CNTNAP2: variants seen among roughly 807,000 people sequenced by gnomAD.
CNTNAP2 encodes contactin-associated protein-like 2.
In CNTNAP2, 98 loss-of-function variants were observed where a neutral mutation model predicts 155.2. The observed-to-expected ratio is 0.63, with a 90% CI of 0.54 to 0.75. The LOEUF is 0.75. Among genes scored for constraint, CNTNAP2 ranks in the 30% least tolerant of loss-of-function variants. CNTNAP2 has a pLI of 0.00. For synonymous variants in CNTNAP2, 651 were observed against 631.2 expected (o/e 1.03, Z -0.47); for missense variants, 1,727 against 1,688.1 (o/e 1.02, Z -0.40).
intron 15 of CNTNAP2, among the ~76,000 whole-genome samples, chr7:148,105,284 G>A (rs1244137850): frequency 6.6e-6 from 1 of 152,162 alleles, no homozygotes; most frequent in Non-Finnish European, 1.5e-5. Flanking sequence ...TGTGGTATAT[G>A]AACTGAGAGA....
intron 13 of CNTNAP2, among the ~76,000 whole-genome samples, chr7:147,889,403 A>G (rs1799649631): frequency 6.6e-6 from 1 of 152,122 alleles, no homozygotes; most frequent in Non-Finnish European, 1.5e-5. Context: ...CATTAAGGAC[A>G]CCACAAAGTC....
chr7:148,225,612 C>A (rs1014947003), intron 19 of CNTNAP2, among the ~76,000 whole-genome samples: 1 of 152,146 alleles, frequency 6.6e-6, no homozygotes, highest in Admixed American at 6.5e-5. Context: ...TCACTCTGAC[C>A]ACCGTGTGGT....
intron 16 of CNTNAP2, among the ~76,000 whole-genome samples, chr7:148,138,646 G>A (rs1805003753): frequency 6.6e-6 from 1 of 152,164 alleles, no homozygotes; most frequent in Non-Finnish European, 1.5e-5. Context: ...GAGTTTCAGA[G>A]TTTCTCTAAA....
intron 2 of CNTNAP2, among the ~76,000 whole-genome samples, chr7:146,817,638 C>T (rs139293337): frequency 4.9e-4 from 75 of 152,208 alleles, no homozygotes; most frequent in Admixed American, 3.8e-3. Context: ...GGAGCTGACA[C>T]GTCTTATTTG....
chr7:147,287,004 A>C (rs1338560579), intron 8 of CNTNAP2, among the ~76,000 whole-genome samples: 1 of 152,124 alleles, frequency 6.6e-6, no homozygotes, highest in Admixed American at 6.6e-5. Context: ...AGAAAAAAAA[A>C]TATTCAGTGA....
chr7:147,746,219 T>C (rs150915274), intron 13 of CNTNAP2, among the ~76,000 whole-genome samples: 1 of 152,312 alleles, frequency 6.6e-6, no homozygotes, highest in Non-Finnish European at 1.5e-5. Flanking sequence ...GATCTGAAAT[T>C]GTTAGAAAAA....
chr7:146,964,893 T>TGGCCGGATTTGGTCTGGG (rs1563023321), intron 3 of CNTNAP2, among the ~76,000 whole-genome samples: 1 of 151,806 alleles, frequency 6.6e-6, no homozygotes, highest in Non-Finnish European at 1.5e-5. Flanking sequence ...AACAGGTGAC[T>TGGCCGGATTTGGTCTGGG]GGCCAGAGTT....
chr7:146,473,441 A>G (rs1467911139), intron 1 of CNTNAP2, among the ~76,000 whole-genome samples: 1 of 151,650 alleles, frequency 6.6e-6, no homozygotes, highest in Non-Finnish European at 1.5e-5. Flanking sequence ...CCTTTCTACT[A>G]TAAAAACTTC....
intron 8 of CNTNAP2, among the ~76,000 whole-genome samples, chr7:147,242,862 G>A (rs1280033487): frequency 1.3e-5 from 2 of 151,732 alleles, no homozygotes; most frequent in African/African-American, 4.8e-5. Context: ...AATCACTTAT[G>A]AGACACTGAC....
At chr7:146,885,236 T>G (rs577255276) in intron 3 of CNTNAP2, among the ~76,000 whole-genome samples, 204 of 152,312 alleles carry the variant, frequency 1.3e-3, no homozygotes, top group Non-Finnish European at 2.5e-3. Context: ...ATATTTACAT[T>G]GTTGATTCCA....
chr7:147,386,094 C>A (rs1174421513), intron 9 of CNTNAP2, among the ~76,000 whole-genome samples: 1 of 152,184 alleles, frequency 6.6e-6, no homozygotes, highest in African/African-American at 2.4e-5. Flanking sequence ...CCCTTTTAGT[C>A]ACAGCTGAAG....
At chr7:146,267,491 A>G (rs1800014698) in intron 1 of CNTNAP2, among the ~76,000 whole-genome samples, 1 of 152,194 alleles carries the variant, frequency 6.6e-6, no homozygotes, top group Admixed American at 6.5e-5. Context: ...TGTGTCCCCA[A>G]CATTTATATC....
chr7:147,661,124 C>A (rs981250185), intron 13 of CNTNAP2, among the ~76,000 whole-genome samples: 2 of 152,136 alleles, frequency 1.3e-5, no homozygotes, highest in African/African-American at 2.4e-5. Context: ...ATGCACTTCC[C>A]TCCTCTTCCA....
chr7:147,330,772 A>G (rs1563163582), intron 9 of CNTNAP2, among the ~76,000 whole-genome samples: 1 of 152,136 alleles, frequency 6.6e-6, no homozygotes, highest in Non-Finnish European at 1.5e-5. Flanking sequence ...ATCAGGTAAA[A>G]ACCTGAACAT....
chr7:146,533,107 CAAAAAAAA>C (rs553035616), intron 1 of CNTNAP2, among the ~76,000 whole-genome samples: 2 of 47,852 alleles, frequency 4.2e-5, no homozygotes, highest in Non-Finnish European at 8.0e-5. Context: ...GACCCTGTCT[CAAAAAAAA>C]AAAAAAAAAA....
chr7:147,299,637 T>A (rs1794904177), intron 8 of CNTNAP2, among the ~76,000 whole-genome samples: 1 of 152,032 alleles, frequency 6.6e-6, no homozygotes, highest in South Asian at 2.1e-4. Context: ...TACAGAAAAA[T>A]AAAGATTTTA....
chr7:146,992,706 AT>A (rs57583226), intron 3 of CNTNAP2, among the ~76,000 whole-genome samples: 3,365 of 150,816 alleles, frequency 0.022, 125 homozygotes, highest in African/African-American at 0.077. Flanking sequence ...TCATACTAAG[AT>A]TTTTTTTTTC....
At chr7:148,206,239 A>G (rs1467888912) in intron 18 of CNTNAP2, among the ~76,000 whole-genome samples, 1 of 147,770 alleles carries the variant, frequency 6.8e-6, no homozygotes, top group African/African-American at 2.5e-5. Flanking sequence ...TAGATATGTA[A>G]CATTAAAAAT....
intron 10 of CNTNAP2, among the ~76,000 whole-genome samples, chr7:147,441,834 T>TCTCTCTCTCTCTCTCTCTCC (rs1797641461): frequency 6.9e-6 from 1 of 145,690 alleles, no homozygotes; most frequent in Admixed American, 6.9e-5. Context: ...TCTCTCTCTC[T>TCTCTCTCTCTCTCTCTCTCC]CTCTCTCTCT....
Sources: allele counts gnomAD v4.1 joint callset (sites outside exome capture counted in the v4.1 genomes callset), GRCh38; gene constraint gnomAD v4.1.1; transcripts MANE v1.5; gene names NCBI Gene and HGNC (gene_info 2026-07-23, HGNC 2026-07-21).